Variants in RAD51B observed in about 807,000 individuals in gnomAD.
The protein encoded by RAD51B is RAD51 paralog B, also known as DNA repair protein RAD51 homolog 2.
Under a neutral mutation model 42.2 loss-of-function variants are expected in RAD51B, and 38 were observed. That is an observed-to-expected ratio of 0.90 (90% CI 0.70 to 1.18). The LOEUF is 1.18. Ranked by LOEUF, RAD51B falls within the 50% of genes most tolerant of loss-of-function variation. The pLI, the probability that RAD51B is intolerant of heterozygous loss-of-function variation, is 0.00. For synonymous variants in RAD51B, 154 were observed against 145.2 expected, an observed-to-expected ratio of 1.06 and a Z score of -0.43; for missense variants, 373 against 400.7, an observed-to-expected ratio of 0.93 and a Z score of 0.59.
intron 7 of RAD51B, among the ~76,000 whole-genome samples, chr14:68,217,208 A>G (rs2079833798): frequency 6.6e-6 from 1 of 152,142 alleles, no homozygotes; most frequent in Non-Finnish European, 1.5e-5. Context: ...CAAGGCCTGG[A>G]GGTGGGCTAG....
chr14:68,414,564 G>A (rs909678836), intron 9 of RAD51B, among the ~76,000 whole-genome samples: 3 of 152,012 alleles, frequency 2.0e-5, no homozygotes, highest in Non-Finnish European at 2.9e-5. Flanking sequence ...TGCCCTCGAG[G>A]TCCAAACAAA....
chr14:68,494,259 G>A (rs1215038595), intron 10 of RAD51B, among the ~76,000 whole-genome samples: 2 of 144,546 alleles, frequency 1.4e-5, no homozygotes, highest in Non-Finnish European at 3.0e-5. Context: ...CAGCCTGGGC[G>A]ACAGAGTGAG....
At chr14:67,879,898 T>A (rs1399014380) in intron 5 of RAD51B, among the ~76,000 whole-genome samples, 1 of 152,210 alleles carries the variant, frequency 6.6e-6, no homozygotes, top group Non-Finnish European at 1.5e-5. Flanking sequence ...GAGTAATAGT[T>A]GCTTAGAGGT....
intron 7 of RAD51B, among the ~76,000 whole-genome samples, chr14:68,242,181 G>T (rs999343074): frequency 1.3e-5 from 2 of 152,180 alleles, no homozygotes; most frequent in Non-Finnish European, 2.9e-5. Context: ...TTTCTGTAAA[G>T]ATGCATTTGT....
chr14:68,089,040 T>A (rs2077046750), intron 7 of RAD51B, among the ~76,000 whole-genome samples: 1 of 152,212 alleles, frequency 6.6e-6, no homozygotes, highest in Non-Finnish European at 1.5e-5. Flanking sequence ...CATCATTTTC[T>A]GCTTTTCATG....
chr14:68,407,030 A>G (rs1274532959), intron 8 of RAD51B, among the ~76,000 whole-genome samples: 2 of 152,228 alleles, frequency 1.3e-5, no homozygotes, highest in Non-Finnish European at 2.9e-5. Flanking sequence ...CTTCTTCTGC[A>G]ATACCTCCTG....
chr14:67,940,127 G>A (rs1364856927), intron 7 of RAD51B, among the ~76,000 whole-genome samples: 2 of 119,238 alleles, frequency 1.7e-5, no homozygotes, highest in African/African-American at 6.5e-5. Context: ...AGCCTGGAGT[G>A]CAATGGCGTG....
At chr14:68,305,747 A>G (rs2081847393) in intron 8 of RAD51B, among the ~76,000 whole-genome samples, 1 of 152,196 alleles carries the variant, frequency 6.6e-6, no homozygotes. Flanking sequence ...CAGTGCCTGG[A>G]TATCAGCCAG....
At chr14:68,557,689 C>T (rs948675361) in intron 10 of RAD51B, among the ~76,000 whole-genome samples, 7 of 152,206 alleles carry the variant, frequency 4.6e-5, no homozygotes, top group African/African-American at 1.7e-4. Flanking sequence ...CACTTTGGGT[C>T]TGGTCCCAAG....
chr14:67,859,843 G>A (rs577147229), intron 4 of RAD51B, among the ~76,000 whole-genome samples: 4 of 151,614 alleles, frequency 2.6e-5, no homozygotes, highest in Admixed American at 6.6e-5. Context: ...TTTTTTGAGC[G>A]AAGTTTTGCT....
intron 10 of RAD51B, among the ~76,000 whole-genome samples, chr14:68,558,493 T>C (rs922638983): frequency 6.6e-6 from 1 of 152,208 alleles, no homozygotes; most frequent in African/African-American, 2.4e-5. Flanking sequence ...ATGTTCCTCC[T>C]AAAGGCTGTG....
chr14:68,225,295 T>C (rs2080014767), intron 7 of RAD51B, among the ~76,000 whole-genome samples: 1 of 152,194 alleles, frequency 6.6e-6, no homozygotes. Flanking sequence ...CTGTTCAGCT[T>C]ATTTACTTTC....
chr14:68,556,523 AGAG>A (rs1369140803), intron 10 of RAD51B, among the ~76,000 whole-genome samples: 1 of 152,194 alleles, frequency 6.6e-6, no homozygotes. Context: ...CGGCCTGAGA[AGAG>A]GAGGTGGCTA....
intron 7 of RAD51B, among the ~76,000 whole-genome samples, chr14:68,004,032 C>T (rs1002174664): frequency 6.6e-6 from 1 of 151,930 alleles, no homozygotes; most frequent in Non-Finnish European, 1.5e-5. Context: ...CTTGCATTGC[C>T]AAATAAACTA....
downstream of RAD51B, among the ~76,000 whole-genome samples, chr14:68,481,952 G>A (rs1883211782): frequency 6.6e-6 from 1 of 152,160 alleles, no homozygotes; most frequent in South Asian, 2.1e-4. Context: ...GCCTTATCAT[G>A]TCACCATTTT....
intron 7 of RAD51B, among the ~76,000 whole-genome samples, chr14:67,905,476 G>A (rs1038015654): frequency 6.6e-6 from 1 of 152,048 alleles, no homozygotes; most frequent in African/African-American, 2.4e-5. Flanking sequence ...GATAGAAATA[G>A]CATTGAATCT....
intron 10 of RAD51B, among the ~76,000 whole-genome samples, chr14:68,548,832 C>G (rs950193016): frequency 3.3e-5 from 5 of 152,146 alleles, no homozygotes; most frequent in African/African-American, 4.8e-5. Context: ...GGCCTCTGAC[C>G]CCTTCTGAGC....
At chr14:67,986,664 T>A (rs981787705) in intron 7 of RAD51B, among the ~76,000 whole-genome samples, 1 of 152,234 alleles carries the variant, frequency 6.6e-6, no homozygotes, top group Non-Finnish European at 1.5e-5. Context: ...TCTCTTATTA[T>A]CCTTTTATTA....
chr14:68,133,685 G>T (rs992592012), intron 7 of RAD51B, among the ~76,000 whole-genome samples: 4 of 152,194 alleles, frequency 2.6e-5, no homozygotes, highest in South Asian at 2.1e-4. Context: ...TATTGGCCAG[G>T]CTGGTCTCGA....
Sources: allele counts gnomAD v4.1 joint callset (sites outside exome capture counted in the v4.1 genomes callset), GRCh38; gene constraint gnomAD v4.1.1; transcripts MANE v1.5; gene names NCBI Gene and HGNC (gene_info 2026-07-23, HGNC 2026-07-21).